The following THBS1 variants were observed in gnomAD, a reference collection of about 807,000 sequenced individuals.
THBS1 encodes the protein thrombospondin 1.
THBS1 carries 29 observed loss-of-function variants against 126.1 expected under a neutral mutation model. The observed-to-expected ratio is 0.23, with a 90% CI of 0.17 to 0.31. THBS1 has a LOEUF of 0.31. Ranked by LOEUF, THBS1 falls within the 10% of genes least tolerant of loss-of-function variation. The pLI is 1.00. For missense variants in THBS1, 1,198 were observed against 1,545.2 expected (o/e 0.78, Z 3.77); for synonymous variants, 496 against 577.8 (o/e 0.86, Z 2.03).
Position 39,589,843 on chromosome 15 carries a change from C to T in THBS1, c.1965C>T (p.His655=), listed in dbSNP as rs371303785. 57 of 1,613,834 alleles carry T rather than the reference C, an allele frequency of 3.5e-5. No homozygotes were observed. The Admixed American group carries it at 3.7e-4, about 10-fold the overall frequency. The change falls in exon 13 of 22, where the codon CAC becomes CAT. Residue 655 remains histidine (H), a synonymous_variant. Transcript: ENST00000260356. This position sits in a 1 kb window ranked among gnomAD's most constrained non-coding sequence, Gnocchi z 4.7. ...KPRNPCTDGT[H]DCNKNAKCNY... ...GTAACCCCTGCACGGATGGGACCCA[C>T]GACTGCAACAAGAACGCCAAGTGCA...
rs775168999 is a variant in THBS1, at chr15:39,582,633, G to A, written c.508G>A (p.Asp170Asn). The change falls in exon 3 of 22, where the codon GAC becomes AAC. Residue 170 changes from aspartate (D) to asparagine (N), a missense_variant. By Grantham distance (23) the Asp-to-Asn change is conservative. Around this residue, in one of 4 missense-constraint regions of THBS1, gnomAD observed 271 missense variants for 277.0 expected, o/e 0.98. Coordinates refer to ENST00000260356, the MANE Select transcript of THBS1 (RefSeq NM_003246.4). The stretch of plus-strand genomic sequence containing the variant: ...GGAAGACAGGGCCCAGCTGTACATC[G>A]ACTGTGAAAAGATGGAGAATGCTGA... ...VQEDRAQLYI[D>N]CEKMENAELD... The A allele has an allele frequency of 2.1e-5, 34 of 1,613,890 alleles. No individual in the cohort carries two copies. In the Admixed American group the frequency reaches 2.2e-4, roughly 10 times the overall value.
Position 39,592,557 on chromosome 15 carries a change from C to T in THBS1, c.2533-11C>T, listed in dbSNP as rs756730951. On this transcript the variant is annotated splice_polypyrimidine_tract_variant and intron_variant, in intron 16 of 21. Transcript: ENST00000260356. This position sits in a 1 kb window ranked among gnomAD's most constrained non-coding sequence, Gnocchi z 4.3. The stretch of plus-strand genomic sequence containing the variant: ...ACTGCAATTTACCCTCCATTTACAT[C>T]TCTCTTTCAGCTGGACTCTGACTCA... 4 of 1,603,742 alleles carry T rather than the reference C, an allele frequency of 2.5e-6. No individual in the cohort carries two copies. Among genetic ancestry groups the T allele is most frequent in the Non-Finnish European group, 3.4e-6 (4 of 1,173,648 alleles).
intron 13 of THBS1, 79 bp downstream of exon 13, chr15:39,590,102 C>A: frequency 7.9e-7 from 1 of 1,267,156 alleles, no homozygotes; most frequent in South Asian, 1.7e-5. Flanking sequence ...ATTTTAAATA[C>A]TTAAAGTTTG....
At position 39,591,364 on chromosome 15, in the gene THBS1, T is replaced by A. The variant is rs776901168; in HGVS notation, c.2413+14T>A. 1.2e-6 allele frequency: 2 copies of A among 1,607,814 alleles called. No homozygotes were observed. The highest frequency in any genetic ancestry group is 3.4e-5 in the Admixed American group (2 of 59,690). ...TTGATGGAGACGGTAAGGTGCTGCC[T>A]GATCAGAGGGCCCGCGGGAGACAGG... On this transcript the variant is annotated intron_variant, in intron 15 of 21. Coordinates refer to ENST00000260356, the MANE Select transcript of THBS1 (RefSeq NM_003246.4).
rs368442402 is a variant in THBS1 at position 39,590,497 on chromosome 15, T to C, written c.2146-19T>C. 59 of 1,597,184 alleles carry C rather than the reference T, an allele frequency of 3.7e-5. No individual in the cohort carries two copies. Among genetic ancestry groups the C allele is most frequent in the Admixed American group, 1.9e-4 (11 of 59,018 alleles). ...GAGGAAGGCAACTGAAGCAGTGATA[T>C]ATATCTTCTCTTTCCTAGGATAATT... On this transcript the variant is annotated intron_variant, in intron 13 of 21. Coordinates refer to ENST00000260356, the MANE Select transcript of THBS1 (RefSeq NM_003246.4).
Position 39,589,030 on chromosome 15 carries a change from G to A in THBS1, c.1717G>A (p.Gly573Ser). 2 of 1,614,062 alleles carry A rather than the reference G, an allele frequency of 1.2e-6. No individual in the cohort carries two copies. Among genetic ancestry groups the A allele is most frequent in the South Asian group, 1.1e-5 (1 of 91,078 alleles). ...CTACCCTGATGGCAGCTGGAAATGT[G>A]GTGCTTGTCCCCCTGGTTACAGTGG... ...TSYPDGSWKC[G>S]ACPPGYSGNG... Residue 573 changes from glycine to serine, a missense_variant, in exon 11 of 22, where the codon GGT (glycine) becomes AGT (serine). By Grantham distance (56) the Gly-to-Ser change is moderately conservative. Coordinates refer to ENST00000260356, the MANE Select transcript of THBS1 (RefSeq NM_003246.4). The surrounding 1 kb of genome is among the most constrained non-coding windows in gnomAD (Gnocchi z 4.7).
chr15:39,591,489 C>T lies in THBS1; in HGVS notation c.2414-16C>T, dbSNP rs745329631. On this transcript the variant is annotated splice_polypyrimidine_tract_variant and intron_variant, in intron 15 of 21. Transcript: ENST00000260356. The stretch of plus-strand genomic sequence containing the variant: ...GCTGGAGAGCCCAGCTCTTATTTGT[C>T]CCTTGTTCTCTTCAGGTATCCTCAA... 5 of 1,613,696 alleles carry T rather than the reference C, an allele frequency of 3.1e-6. No homozygotes were observed. The East Asian group carries it at 8.9e-5, about 29-fold the overall frequency.
intron 7 of THBS1, 78 bp from the exon 8 acceptor site, chr15:39,587,269 A>G: frequency 7.0e-7 from 1 of 1,419,540 alleles, no homozygotes; most frequent in Non-Finnish European, 9.5e-7. Flanking sequence ...TGGCAAGTGG[A>G]GGGCCCTGAA....
chr15:39,596,928 A>T lies in THBS1; in HGVS notation c.*1559A>T, dbSNP rs1890460876. ...TGACTGAGTAAAGAATTTTTGGATC[A>T]AGCGGAAAGAGTTTAAGTGTCTAAC... On this transcript the variant is annotated 3_prime_UTR_variant, in exon 22 of 22. Coordinates refer to ENST00000260356, the MANE Select transcript of THBS1 (RefSeq NM_003246.4). 1 of 152,252 alleles carries T rather than the reference A, an allele frequency of 6.6e-6. No individual in the cohort carries two copies. The highest frequency in any genetic ancestry group is 2.4e-5 in the African/African-American group (1 of 41,472). The allele number at this position is 152,252 out of a possible 1,614,324, so 9.4% of individuals were successfully genotyped here.
At chr15:39,595,263 T>G in intron 21 of THBS1, 99 bp from the exon 22 acceptor site, 1 of 751,316 alleles carries the variant, frequency 1.3e-6, no homozygotes, top group Non-Finnish European at 2.0e-6. Flanking sequence ...ATTAGAAAAG[T>G]AGAGCTATTC....
In THBS1 at chr15:39,589,198, A is replaced by G. The variant is rs934659056; in HGVS notation, c.1774-4A>G. ...CATGATGCACGCTCTTATTTCCTCC[A>G]TAGTGCAAAGAAGTGCCTGATGCCT... On this transcript the variant is annotated splice_polypyrimidine_tract_variant and splice_region_variant and intron_variant, in intron 11 of 21. Coordinates refer to ENST00000260356, the MANE Select transcript of THBS1 (RefSeq NM_003246.4). This position sits in a 1 kb window ranked among gnomAD's most constrained non-coding sequence, Gnocchi z 4.7. The G allele has an allele frequency of 1.2e-6, 2 of 1,614,162 alleles. No individual in the cohort carries two copies.
At position 39,587,327 on chromosome 15, in the gene THBS1, A is replaced by C; in HGVS notation, c.1121-20A>C. On this transcript the variant is annotated intron_variant, in intron 7 of 21. Coordinates refer to ENST00000260356, the MANE Select transcript of THBS1 (RefSeq NM_003246.4). ...TGTCCTAATCATCACGTACCTGATG[A>C]ACCTCTGTTTCCCCTGCAGCCAGCG... 1 of 1,602,436 alleles carries C rather than the reference A, an allele frequency of 6.2e-7. No homozygotes were observed. Among genetic ancestry groups the C allele is most frequent in the Non-Finnish European group, 8.5e-7 (1 of 1,172,456 alleles).
chr15:39,590,707 C>A, intron 14 of THBS1, 84 bp downstream of exon 14: 2 of 1,050,620 alleles, frequency 1.9e-6, no homozygotes, highest in South Asian at 1.4e-5. Flanking sequence ...AATTACATGG[C>A]TATAGCAAAA....
In THBS1 at chr15:39,581,890, C is replaced by G; in HGVS notation, c.33C>G (p.Phe11Leu). MGLAWGLGVLFLMHVCGTNRI... is the reference protein window; with the variant it reads MGLAWGLGVLLLMHVCGTNRI... ...TGGCCTGGGGACTAGGCGTCCTGTT[C>G]CTGATGCATGTGTGTGGCACCAACC... is the stretch of plus-strand genomic sequence containing the variant. The change falls in exon 2 of 22, where the codon TTC (phenylalanine) becomes TTG (leucine). Residue 11 changes from phenylalanine (F) to leucine (L), a missense_variant. By Grantham distance (22) the Phe-to-Leu change is conservative. This residue lies in a region of THBS1 where 271 missense variants were observed against 277.0 expected (regional missense o/e 0.98). Transcript: ENST00000260356. The G allele has an allele frequency of 1.2e-6, 2 of 1,614,096 alleles. No homozygotes were observed. Among genetic ancestry groups the G allele is most frequent in the Non-Finnish European group, 1.7e-6 (2 of 1,180,016 alleles).
At chr15:39,588,312 G>C (rs1890250645) in intron 9 of THBS1, 94 bp downstream of exon 9, 1 of 1,441,972 alleles carries the variant, frequency 6.9e-7, no homozygotes, top group African/African-American at 1.4e-5. Context: ...GTGGGTCATA[G>C]AGCAGGAAGG....
chr15:39,586,074 G>A (rs753599), intron 7 of THBS1, among the ~76,000 whole-genome samples: 18,282 of 152,182 alleles, frequency 0.12, 1,272 homozygotes, highest in East Asian at 0.31. Context: ...ATCGTTCCAT[G>A]GCACGTTATC....
chr15:39,589,449 C>CAAAAAAAA lies in THBS1; in HGVS notation c.1926+98_1926+105dup. The CAAAAAAAA allele has an allele frequency of 3.5e-6, 4 of 1,148,570 alleles. No individual in the cohort carries two copies. The highest frequency in any genetic ancestry group is 3.3e-5 in the African/African-American group (2 of 60,830). The allele number at this position is 1,148,570 out of a possible 1,614,324, so 71.1% of individuals were successfully genotyped here. On this transcript the variant is annotated intron_variant, in intron 12 of 21. Transcript: ENST00000260356. This position sits in a 1 kb window ranked among gnomAD's most constrained non-coding sequence, Gnocchi z 4.7. The stretch of plus-strand genomic sequence containing the variant: ...AGGAATGTAATTTCATACCCTTCAC[C>CAAAAAAAA]AAAAAAAAAAGGGCGAGGAGATGAA...
rs375693070 is a variant in THBS1, at chr15:39,590,058, G to C, written c.2145+35G>C. ...GGTCCTTTGTGTGCCTCCAGAAAGA[G>C]GGCCCATCACCTTATCAAAACACAG... On this transcript the variant is annotated intron_variant, in intron 13 of 21. Transcript: ENST00000260356. 30 of 1,517,360 alleles carry C rather than the reference G, an allele frequency of 2.0e-5. No homozygotes were observed. In the African/African-American group the frequency reaches 4.0e-4, roughly 20 times the overall value. The allele number at this position is 1,517,360 out of a possible 1,614,324, so 94.0% of individuals were successfully genotyped here. A position where few individuals can be genotyped will look rare whatever the true frequency, so the allele number is the denominator to read the frequency against.
chr15:39,585,095 T>TC (rs986626121), intron 6 of THBS1, among the ~76,000 whole-genome samples: 8 of 151,750 alleles, frequency 5.3e-5, no homozygotes, highest in African/African-American at 1.9e-4. Context: ...TCTTCCTTCC[T>TC]CCCCCCAAAC....
Sources: allele counts gnomAD v4.1 joint callset (sites outside exome capture counted in the v4.1 genomes callset), GRCh38; gene constraint gnomAD v4.1.1; regional missense constraint gnomAD v4.1.1; non-coding constraint Gnocchi (gnomAD v3.1); transcripts MANE v1.5; gene names NCBI Gene and HGNC (gene_info 2026-07-23, HGNC 2026-07-21).